The following GRID1 variants were observed in gnomAD, a reference collection of about 807,000 sequenced individuals.
GRID1 encodes glutamate ionotropic receptor delta type subunit 1, also known as glutamate receptor ionotropic, delta-1.
GRID1 carries 28 observed loss-of-function variants against 98.0 expected under a neutral mutation model. That is an observed-to-expected ratio of 0.29 (90% CI 0.21 to 0.39). The LOEUF (loss-of-function observed/expected upper bound fraction) is 0.39, where lower values mean the gene tolerates loss of function less well. Among genes scored for constraint, GRID1 ranks in the 10% least tolerant of loss-of-function variants. GRID1 has a pLI of 1.00. For missense variants in GRID1, 1,111 were observed against 1,340.5 expected, an observed-to-expected ratio of 0.83 and a Z score of 2.67; for synonymous variants, 553 against 538.5, an observed-to-expected ratio of 1.03 and a Z score of -0.37.
At chr10:85,937,295 A>G (rs990215312) in intron 4 of GRID1, among the ~76,000 whole-genome samples, 1 of 152,258 alleles carries the variant, frequency 6.6e-6, no homozygotes, top group African/African-American at 2.4e-5. Context: ...AACGTGAAAC[A>G]CAGATGCAGG....
chr10:86,159,382 A>T (rs1463439872), intron 3 of GRID1, among the ~76,000 whole-genome samples: 1 of 152,234 alleles, frequency 6.6e-6, no homozygotes, highest in Non-Finnish European at 1.5e-5. Flanking sequence ...TAGCCACAGT[A>T]ACATCATTAC....
At chr10:86,261,458 C>A (rs973145297) in intron 2 of GRID1, among the ~76,000 whole-genome samples, 6 of 152,166 alleles carry the variant, frequency 3.9e-5, no homozygotes, top group African/African-American at 1.4e-4. Flanking sequence ...CAGAAGACTG[C>A]AAGCACCACA....
At chr10:86,216,313 T>C (rs1182111846) in intron 2 of GRID1, among the ~76,000 whole-genome samples, 7 of 152,208 alleles carry the variant, frequency 4.6e-5, no homozygotes, top group Non-Finnish European at 1.0e-4. Context: ...TCAGAAGATA[T>C]GGAACAATTG....
In GRID1 at chr10:86,366,555, C is replaced by CCCCAG. The variant is rs1263038309; in HGVS notation, c.-168_-164dup. The CCCCAG allele has an allele frequency of 3.8e-5, 11 of 289,578 alleles. No homozygotes were observed. The highest frequency in any genetic ancestry group is 1.3e-4 in the East Asian group (2 of 15,316). The allele number at this position is 289,578 out of a possible 1,614,324, so 17.9% of individuals were successfully genotyped here. Reference sequence around the variant, plus strand: ...CGCCCGCCCCTGCGCCCTGCGCCCGCCCCAGCCCAGCCCAGCCCAGCCCAG... The same window carrying CCCCAG: ...CGCCCGCCCCTGCGCCCTGCGCCCGCCCCAGCCCAGCCCAGCCCAGCCCAGCCCAG... On this transcript the variant is annotated 5_prime_UTR_variant, in exon 1 of 16. Coordinates refer to ENST00000327946, the MANE Select transcript of GRID1 (RefSeq NM_017551.3). The surrounding 1 kb of genome is among the most constrained non-coding windows in gnomAD (Gnocchi z 4.1).
At chr10:85,844,184 T>G (rs1309202123) in intron 8 of GRID1, among the ~76,000 whole-genome samples, 1 of 152,078 alleles carries the variant, frequency 6.6e-6, no homozygotes, top group African/African-American at 2.4e-5. Context: ...ATTATAATAC[T>G]GTGTGATTCA....
intron 12 of GRID1, among the ~76,000 whole-genome samples, chr10:85,669,467 G>C (rs1841061104): frequency 6.6e-6 from 1 of 152,184 alleles, no homozygotes; most frequent in South Asian, 2.1e-4. Flanking sequence ...AAGTTGGCTG[G>C]GAAAATTAGA....
chr10:86,001,908 C>T (rs1371261079), intron 4 of GRID1, among the ~76,000 whole-genome samples: 1 of 152,172 alleles, frequency 6.6e-6, no homozygotes, highest in African/African-American at 2.4e-5. Flanking sequence ...AGGGAAGGAT[C>T]CTTCCTTGCC....
chr10:86,048,624 G>C (rs890856498), intron 4 of GRID1, among the ~76,000 whole-genome samples: 2 of 152,190 alleles, frequency 1.3e-5, no homozygotes, highest in African/African-American at 2.4e-5. Context: ...GATGCTAAAG[G>C]CCTCTCCCCT....
chr10:85,976,099 C>T (rs765273254), intron 4 of GRID1, among the ~76,000 whole-genome samples: 11 of 152,160 alleles, frequency 7.2e-5, no homozygotes, highest in Admixed American at 1.3e-4. Flanking sequence ...GTCTTTCTTA[C>T]GATCTGAACA....
At chr10:85,928,614 T>G (rs929895361) in intron 4 of GRID1, among the ~76,000 whole-genome samples, 5 of 152,184 alleles carry the variant, frequency 3.3e-5, no homozygotes, top group African/African-American at 1.2e-4. Context: ...GCCCTCACAT[T>G]CCTGGGGACA....
At chr10:85,732,359 A>T (rs1841835271) in intron 8 of GRID1, among the ~76,000 whole-genome samples, 2 of 152,190 alleles carry the variant, frequency 1.3e-5, no homozygotes, top group South Asian at 4.1e-4. Context: ...CAGGACCCAG[A>T]TTCGTAACAT....
intron 2 of GRID1, among the ~76,000 whole-genome samples, chr10:86,243,081 G>A (rs1473685209): frequency 2.0e-5 from 3 of 152,134 alleles, no homozygotes; most frequent in African/African-American, 7.2e-5. Flanking sequence ...GTCAACTCCA[G>A]CAGAATGCAT....
At chr10:86,024,213 C>T (rs1053514397) in intron 4 of GRID1, among the ~76,000 whole-genome samples, 2 of 152,204 alleles carry the variant, frequency 1.3e-5, no homozygotes, top group African/African-American at 4.8e-5. Flanking sequence ...TGGTTAGCAT[C>T]CGCAAAATAA....
At chr10:86,305,781 G>A (rs1404349391) in intron 2 of GRID1, among the ~76,000 whole-genome samples, 1 of 152,314 alleles carries the variant, frequency 6.6e-6, no homozygotes, top group Non-Finnish European at 1.5e-5. Flanking sequence ...GCCCTCTGGG[G>A]AGAAAGGAGG....
intron 13 of GRID1, among the ~76,000 whole-genome samples, chr10:85,642,039 C>T (rs1843127361): frequency 1.3e-5 from 2 of 152,170 alleles, no homozygotes; most frequent in African/African-American, 4.8e-5. Flanking sequence ...AGATGATGCA[C>T]AGCTACAGGC....
chr10:86,210,651 C>T (rs1589412220), intron 2 of GRID1, among the ~76,000 whole-genome samples: 1 of 152,190 alleles, frequency 6.6e-6, no homozygotes, highest in Non-Finnish European at 1.5e-5. Context: ...CCACCTGCAG[C>T]GTTGTAAGCG....
Position 85,724,388 on chromosome 10 carries a change from C to T in GRID1, c.1822G>A (p.Ala608Thr), listed in dbSNP as rs536754961. The change falls in exon 11 of 16, where the codon GCC becomes ACC. Residue 608 changes from alanine (A) to threonine (T), a missense_variant. Physicochemically the swap from Ala to Thr is moderately conservative, Grantham distance 58. Transcript: ENST00000327946. ...AAGGCTCCATAGACAATCCAGATGG[C>T]GCTGTGCAGAGTGGCAGAAGCTGAC... ...RPSASATLHS[A>T]IWIVYGAFVQ... 46 of 1,614,012 alleles carry T rather than the reference C, an allele frequency of 2.9e-5. No individual in the cohort carries two copies. Among genetic ancestry groups the T allele is most frequent in the South Asian group, 2.3e-4 (21 of 91,080 alleles).
rs140221268 is a variant in GRID1 at position 86,057,086 on chromosome 10, C to G, written c.726+81733G>C. The stretch of plus-strand genomic sequence containing the variant: ...ACTAACAAGACATGGTCCTGGCCCT[C>G]GAGAACCCTCCAGTGAGTGGAGAGG... On this transcript the variant is annotated intron_variant, in intron 4 of 15. Coordinates refer to ENST00000327946, the MANE Select transcript of GRID1 (RefSeq NM_017551.3). Among the ~76,000 whole-genome samples the G allele has an allele frequency of 2.6e-5, 4 of 152,318 alleles. No homozygotes were observed. The East Asian group carries it at 7.7e-4, about 29-fold the overall frequency.
chr10:86,004,944 G>A (rs1842843347), intron 4 of GRID1, among the ~76,000 whole-genome samples: 1 of 152,182 alleles, frequency 6.6e-6, no homozygotes, highest in Non-Finnish European at 1.5e-5. Context: ...CTCTGAGGAA[G>A]CTATCATTGA....
Sources: allele counts gnomAD v4.1 joint callset (sites outside exome capture counted in the v4.1 genomes callset), GRCh38; gene constraint gnomAD v4.1.1; non-coding constraint Gnocchi (gnomAD v3.1); transcripts MANE v1.5; gene names NCBI Gene and HGNC (gene_info 2026-07-23, HGNC 2026-07-21).